DPYD: variants seen among roughly 807,000 people sequenced by gnomAD.
DPYD encodes the protein dihydropyrimidine dehydrogenase [NADP(+)].
A neutral mutation model predicts 116.2 loss-of-function variants in DPYD; 109 were observed. The ratio of observed to expected loss-of-function variants is 0.94; its 90% CI spans 0.80 to 1.10. The LOEUF (loss-of-function observed/expected upper bound fraction) is 1.10, where lower values mean the gene tolerates loss of function less well. Ranked by LOEUF, DPYD falls within the 50% of genes least tolerant of loss-of-function variation. DPYD has a pLI of 0.00. For synonymous variants in DPYD, 440 were observed against 432.0 expected (o/e 1.02, Z -0.23); for missense variants, 1,302 against 1,254.5 (o/e 1.04, Z -0.57).
chr1:97,919,187 AG>A (rs1177818329), intron 1 of DPYD, among the ~76,000 whole-genome samples: 6 of 152,210 alleles, frequency 3.9e-5, no homozygotes, highest in African/African-American at 1.4e-4. Context: ...GAGTGATGAA[AG>A]ATGTTACTGA....
At chr1:97,648,168 C>A (rs777685590) in intron 8 of DPYD, among the ~76,000 whole-genome samples, 5 of 151,962 alleles carry the variant, frequency 3.3e-5, no homozygotes, top group Non-Finnish European at 5.9e-5. Context: ...GAAAACCATA[C>A]TGATAGCCTC....
chr1:97,685,275 T>G (rs896859176), intron 7 of DPYD, among the ~76,000 whole-genome samples: 1 of 152,222 alleles, frequency 6.6e-6, no homozygotes, highest in Admixed American at 6.5e-5. Context: ...AGAAAAGTCC[T>G]TTGATAAAAT....
chr1:97,891,234 C>G (rs958700266), intron 1 of DPYD, among the ~76,000 whole-genome samples: 1 of 151,854 alleles, frequency 6.6e-6, no homozygotes, highest in African/African-American at 2.4e-5. Context: ...GCCAAAGGCA[C>G]GTTCCAACAG....
chr1:97,117,352 C>A (rs979694303), intron 20 of DPYD, among the ~76,000 whole-genome samples: 2 of 152,210 alleles, frequency 1.3e-5, no homozygotes, highest in Non-Finnish European at 2.9e-5. Flanking sequence ...ACTTCCTGAA[C>A]AATCTTCACT....
intron 16 of DPYD, among the ~76,000 whole-genome samples, chr1:97,311,112 T>A (rs1363165673): frequency 1.3e-5 from 2 of 151,720 alleles, no homozygotes; most frequent in Non-Finnish European, 2.9e-5. Flanking sequence ...GAAATAAGTA[T>A]AAGAAAATTT....
intron 8 of DPYD, among the ~76,000 whole-genome samples, chr1:97,674,381 A>T (rs1660030684): frequency 6.6e-6 from 1 of 152,160 alleles, no homozygotes; most frequent in African/African-American, 2.4e-5. Flanking sequence ...TAAAAACAAA[A>T]ATTCAAAGAA....
At chr1:97,305,836 C>A (rs1667125868) in intron 17 of DPYD, among the ~76,000 whole-genome samples, 1 of 151,856 alleles carries the variant, frequency 6.6e-6, no homozygotes, top group South Asian at 2.1e-4. Context: ...CTTTTTTACT[C>A]ATTAAAGTTT....
At chr1:97,597,190 A>G (rs1654943284) in intron 8 of DPYD, among the ~76,000 whole-genome samples, 2 of 152,326 alleles carry the variant, frequency 1.3e-5, no homozygotes, top group South Asian at 4.1e-4. Flanking sequence ...TCAAACCAAC[A>G]TATACATATG....
At chr1:97,553,572 T>C (rs1028766820) in intron 11 of DPYD, among the ~76,000 whole-genome samples, 10 of 152,132 alleles carry the variant, frequency 6.6e-5, no homozygotes, top group African/African-American at 2.4e-4. Flanking sequence ...CATAAGTGAA[T>C]GAAAAATGTA....
chr1:97,258,335 A>G (rs1192451508), intron 18 of DPYD, among the ~76,000 whole-genome samples: 1 of 152,152 alleles, frequency 6.6e-6, no homozygotes. Context: ...ACAAGAGCCT[A>G]CTAAGCCTGT....
At chr1:97,092,081 G>T (rs1398369767) in intron 21 of DPYD, among the ~76,000 whole-genome samples, 6 of 152,026 alleles carry the variant, frequency 3.9e-5, no homozygotes, top group African/African-American at 7.2e-5. Flanking sequence ...GTGTTCCCTG[G>T]CCAGTCTCTC....
At chr1:97,354,665 G>A (rs1558050398) in intron 16 of DPYD, among the ~76,000 whole-genome samples, 1 of 152,156 alleles carries the variant, frequency 6.6e-6, no homozygotes, top group Non-Finnish European at 1.5e-5. Flanking sequence ...AATTTGAAAT[G>A]TAAGTTCTCA....
At chr1:97,604,876 T>C (rs534727606) in intron 8 of DPYD, among the ~76,000 whole-genome samples, 2 of 152,212 alleles carry the variant, frequency 1.3e-5, no homozygotes, top group South Asian at 4.1e-4. Context: ...TCTGTGTTTT[T>C]TACAGACTCC....
intron 5 of DPYD, among the ~76,000 whole-genome samples, chr1:97,703,226 T>C (rs1035532010): frequency 6.6e-6 from 1 of 152,036 alleles, no homozygotes; most frequent in Non-Finnish European, 1.5e-5. Flanking sequence ...AGGAAGTAAA[T>C]AATTGAACCA....
chr1:97,386,824 A>G (rs1672375408), intron 14 of DPYD, among the ~76,000 whole-genome samples: 1 of 152,114 alleles, frequency 6.6e-6, no homozygotes, highest in Admixed American at 6.6e-5. Context: ...AAGAGAAAGC[A>G]ATTTTTAAAA....
At chr1:97,275,493 T>C (rs1453109000) in intron 18 of DPYD, among the ~76,000 whole-genome samples, 2 of 152,238 alleles carry the variant, frequency 1.3e-5, no homozygotes, top group African/African-American at 4.8e-5. Context: ...TGGGCAGATC[T>C]GTTCACCTTA....
At chr1:97,549,124 T>C (rs187401674) in intron 12 of DPYD, among the ~76,000 whole-genome samples, 1 of 152,186 alleles carries the variant, frequency 6.6e-6, no homozygotes, top group East Asian at 1.9e-4. Context: ...GAAGTGCAAG[T>C]GGCACGATCA....
intron 19 of DPYD, among the ~76,000 whole-genome samples, chr1:97,212,597 T>C (rs1398413035): frequency 6.6e-6 from 1 of 152,110 alleles, no homozygotes; most frequent in African/African-American, 2.4e-5. Context: ...TGGAGTGGAA[T>C]TTCCGGATTG....
At chr1:97,322,672 G>C (rs926176174) in intron 16 of DPYD, 2 of 151,980 alleles carry the variant, frequency 1.3e-5, no homozygotes, top group African/African-American at 4.8e-5. Flanking sequence ...GGGTGTGTCT[G>C]TGTAAAAAGA....
Sources: gnomAD v4.1 joint callset for allele counts (sites outside exome capture counted in the v4.1 genomes callset) on GRCh38, gnomAD v4.1.1 for gene constraint, MANE v1.5 for transcripts, NCBI Gene and HGNC (gene_info 2026-07-23, HGNC 2026-07-21) for gene names.